The following PRP4K variants were observed in gnomAD, a reference collection of about 807,000 sequenced individuals.
The protein encoded by PRP4K is pre-mRNA processing factor kinase PRP4K, also known as serine/threonine-protein kinase PRP4 homolog.
At chr6:4,032,498 A>G in the PRP4K span, 1 of 1,614,096 alleles carries the variant, frequency 6.2e-7, no homozygotes, top group Non-Finnish European at 8.5e-7. Flanking sequence ...AGCCAATTAA[A>G]TCTCCCTCTA....
chr6:4,048,515 A>G, the PRP4K span, among the ~76,000 whole-genome samples: 1 of 151,030 alleles, frequency 6.6e-6, no homozygotes, highest in African/African-American at 2.4e-5. Context: ...AACAAATGGT[A>G]TAACAGCTAT....
At chr6:4,058,075 A>G in the PRP4K span, among the ~76,000 whole-genome samples, 1 of 152,126 alleles carries the variant, frequency 6.6e-6, no homozygotes, top group Non-Finnish European at 1.5e-5. Context: ...GTACAGTTAT[A>G]GCTCACTGCA....
the PRP4K span, chr6:4,031,649 A>G: frequency 6.2e-7 from 1 of 1,604,840 alleles, no homozygotes; most frequent in Non-Finnish European, 8.5e-7. Context: ...GTCGTCACAA[A>G]AAAAAGAAGC....
At chr6:4,032,021 G>A in the PRP4K span, 5 of 1,613,894 alleles carry the variant, frequency 3.1e-6, no homozygotes, top group Non-Finnish European at 3.4e-6. Flanking sequence ...CAAGTACAAA[G>A]GGGAAACTTG....
chr6:4,035,284 ATTTTTTTTTTTTTTT>A, the PRP4K span, among the ~76,000 whole-genome samples: 5 of 58,800 alleles, frequency 8.5e-5, no homozygotes, highest in Non-Finnish European at 1.4e-4. Context: ...CGCCCGGCTA[ATTTTTTTTTTTTTTT>A]TTTTTTTTTT....
At chr6:4,040,623 A>G in the PRP4K span, 1 of 845,442 alleles carries the variant, frequency 1.2e-6, no homozygotes, top group Non-Finnish European at 1.8e-6. Flanking sequence ...ACCTTTTTAA[A>G]AAATAGACTA....
the PRP4K span, chr6:4,048,973 C>CT: frequency 2.1e-6 from 3 of 1,442,476 alleles, no homozygotes; most frequent in South Asian, 1.2e-5. Flanking sequence ...CGTTAAATGT[C>CT]TGACAAGTGG....
chr6:4,036,398 T>C, the PRP4K span, among the ~76,000 whole-genome samples: 11 of 152,176 alleles, frequency 7.2e-5, no homozygotes, highest in African/African-American at 2.7e-4. Flanking sequence ...ATTTTGATAT[T>C]TTTTGTAGAG....
chr6:4,022,730 A>G, the PRP4K span, among the ~76,000 whole-genome samples: 62 of 152,322 alleles, frequency 4.1e-4, no homozygotes, highest in Admixed American at 4.6e-4. Context: ...CAGAGAACAA[A>G]TGGATTCTGA....
At chr6:4,047,943 CACA>C in the PRP4K span, among the ~76,000 whole-genome samples, 18 of 131,868 alleles carry the variant, frequency 1.4e-4, no homozygotes, top group African/African-American at 4.9e-4. Context: ...CACACACACA[CACA>C]GAGCAATAGG....
the PRP4K span, among the ~76,000 whole-genome samples, chr6:4,054,417 T>C: frequency 6.6e-6 from 1 of 152,244 alleles, no homozygotes. Context: ...TAATGTAACT[T>C]GGAGTTAGGG....
At chr6:4,064,055 A>C in the PRP4K span, 2 of 152,206 alleles carry the variant, frequency 1.3e-5, no homozygotes, top group African/African-American at 4.8e-5. Context: ...GAAGATCATC[A>C]GAAATGAGGT....
chr6:4,040,994 T>C, the PRP4K span: 6 of 1,447,308 alleles, frequency 4.1e-6, no homozygotes, highest in Non-Finnish European at 5.6e-6. Flanking sequence ...ACTTGGAAAT[T>C]GTTAAATAAT....
At chr6:4,056,524 C>A in the PRP4K span, 2 of 1,606,994 alleles carry the variant, frequency 1.2e-6, no homozygotes, top group South Asian at 2.2e-5. Context: ...CATCACACTT[C>A]AGCAGCTGCA....
chr6:4,040,837 G>A, the PRP4K span: 60 of 1,613,926 alleles, frequency 3.7e-5, no homozygotes, highest in Non-Finnish European at 4.7e-5. Context: ...GGTCGTAGAC[G>A]AAGGAGCAGA....
the PRP4K span, among the ~76,000 whole-genome samples, chr6:4,025,424 T>C: frequency 1.3e-5 from 2 of 152,200 alleles, no homozygotes; most frequent in African/African-American, 4.8e-5. Context: ...GGTCAGACTT[T>C]AGTTGTGATT....
chr6:4,038,207 ATC>A, the PRP4K span, among the ~76,000 whole-genome samples: 1 of 152,194 alleles, frequency 6.6e-6, no homozygotes, highest in Non-Finnish European at 1.5e-5. Flanking sequence ...ATCTTTACAT[ATC>A]TCTCAGAATT....
chr6:4,052,686 ATTT>A, the PRP4K span: 3 of 1,466,046 alleles, frequency 2.0e-6, no homozygotes, highest in Non-Finnish European at 2.7e-6. Flanking sequence ...TTTAACTCCT[ATTT>A]TGTTTTCTTT....
At chr6:4,035,784 A>C in the PRP4K span, among the ~76,000 whole-genome samples, 1 of 152,136 alleles carries the variant, frequency 6.6e-6, no homozygotes. Context: ...CTTGACCGAC[A>C]TGGAGAAATC....
Sources: gnomAD v4.1 joint callset for allele counts (sites outside exome capture counted in the v4.1 genomes callset) on GRCh38, gnomAD v4.1.1 for gene constraint, MANE v1.5 for transcripts, NCBI Gene and HGNC (gene_info 2026-07-23, HGNC 2026-07-21) for gene names.